The following DNAJC3 variants were observed in gnomAD, a reference collection of about 807,000 sequenced individuals.
DNAJC3 encodes the protein DnaJ heat shock protein family (Hsp40) member C3, also known as dnaJ homolog subfamily C member 3.
Under a neutral mutation model 68.6 loss-of-function variants are expected in DNAJC3, and 38 were observed. The ratio of observed to expected loss-of-function variants is 0.55; its 90% confidence interval spans 0.43 to 0.73. DNAJC3 has a LOEUF of 0.73. DNAJC3 is among the 30% of genes least tolerant of loss of function. The probability of loss-of-function intolerance (pLI) is 0.00; values close to 1 mark genes in which losing one functional copy is unlikely to be tolerated. For missense variants in DNAJC3, 526 were observed against 591.9 expected (o/e 0.89, Z 1.16); for synonymous variants, 203 against 204.0 (o/e 1.00, Z 0.04).
At chr13:95,713,202 A>G (rs1881029059) in intron 2 of DNAJC3, among the ~76,000 whole-genome samples, 1 of 152,208 alleles carries the variant, frequency 6.6e-6, no homozygotes, top group Admixed American at 6.5e-5. Flanking sequence ...ACAATTGCCC[A>G]GCCCCTGTAA....
At chr13:95,691,422 G>T (rs1880256748) in intron 1 of DNAJC3, among the ~76,000 whole-genome samples, 1 of 151,904 alleles carries the variant, frequency 6.6e-6, no homozygotes, top group Non-Finnish European at 1.5e-5. Flanking sequence ...GGACGGGGCG[G>T]CAGGGCAGAG....
At chr13:95,722,807 C>A (rs1182096281) in intron 2 of DNAJC3, among the ~76,000 whole-genome samples, 1 of 45,928 alleles carries the variant, frequency 2.2e-5, no homozygotes, top group African/African-American at 1.0e-4. Flanking sequence ...GTGACAGACA[C>A]CTTGTCCGCC....
intron 9 of DNAJC3, among the ~76,000 whole-genome samples, chr13:95,779,914 T>C (rs956307878): frequency 6.6e-6 from 1 of 152,244 alleles, no homozygotes; most frequent in African/African-American, 2.4e-5. Context: ...TGAAGTGATA[T>C]TGTGCCAGTT....
At chr13:95,779,336 G>T (rs924641351) in intron 9 of DNAJC3, among the ~76,000 whole-genome samples, 3 of 151,866 alleles carry the variant, frequency 2.0e-5, no homozygotes, top group South Asian at 2.1e-4. Context: ...GTGTTAGCCA[G>T]GATGGTCTCG....
chr13:95,736,338 G>A (rs1487542902), intron 4 of DNAJC3, among the ~76,000 whole-genome samples: 1 of 151,110 alleles, frequency 6.6e-6, no homozygotes, highest in African/African-American at 2.4e-5. Context: ...CTTTAAAGTA[G>A]TTTTTTCCAA....
At chr13:95,761,548 A>C (rs1371906835) in intron 7 of DNAJC3, among the ~76,000 whole-genome samples, 1 of 152,184 alleles carries the variant, frequency 6.6e-6, no homozygotes, top group African/African-American at 2.4e-5. Context: ...AAACTATAGT[A>C]CATTGTCACA....
chr13:95,794,876 A>G lies in DNAJC3; in HGVS notation c.*3846A>G, dbSNP rs977057404. 6.8e-6 allele frequency: 1 copy of G among 147,556 alleles called. No individual in the cohort carries two copies. Among genetic ancestry groups the G allele is most frequent in the African/African-American group, 2.4e-5 (1 of 41,124 alleles). 9.1% of individuals were successfully genotyped at this position (147,556 alleles called of 1,614,324 possible). ...ATCCATCTCAATGTAGTGTTTTAAT[A>G]AAAAAGGAACCTAATATTTGAAATG... On this transcript the variant is annotated 3_prime_UTR_variant, in exon 12 of 12. Coordinates refer to ENST00000602402, the MANE Select transcript of DNAJC3 (RefSeq NM_006260.5).
In DNAJC3 at chr13:95,677,151, G is replaced by A; in HGVS notation, c.-105G>A. The A allele has an allele frequency of 2.0e-6, 2 of 1,019,586 alleles. No homozygotes were observed. The highest frequency in any genetic ancestry group is 4.5e-5 in the Admixed American group (2 of 44,274). The allele number at this position is 1,019,586 out of a possible 1,614,324, so 63.2% of individuals were successfully genotyped here. The stretch of plus-strand genomic sequence containing the variant: ...TCTGCTGGGCTCCAGAGCCACTGAG[G>A]CCTGAGCGAGAGCCGACGGCGGGCG... On this transcript the variant is annotated 5_prime_UTR_variant, in exon 1 of 12. Coordinates refer to ENST00000602402, the MANE Select transcript of DNAJC3 (RefSeq NM_006260.5).
chr13:95,722,354 T>C (rs1881349108), intron 2 of DNAJC3, among the ~76,000 whole-genome samples: 1 of 152,178 alleles, frequency 6.6e-6, no homozygotes, highest in Non-Finnish European at 1.5e-5. Flanking sequence ...ACATTCAATA[T>C]ATCAATTTAG....
At chr13:95,719,048 A>T (rs1477227666) in intron 2 of DNAJC3, among the ~76,000 whole-genome samples, 1 of 152,244 alleles carries the variant, frequency 6.6e-6, no homozygotes, top group Non-Finnish European at 1.5e-5. Flanking sequence ...GTAAATGAGG[A>T]TTCCCATGAC....
At chr13:95,766,898 C>T (rs1883008358) in intron 9 of DNAJC3, among the ~76,000 whole-genome samples, 1 of 152,028 alleles carries the variant, frequency 6.6e-6, no homozygotes, top group African/African-American at 2.4e-5. Context: ...GACAGGGTTT[C>T]ACCATGTTGG....
intron 4 of DNAJC3, among the ~76,000 whole-genome samples, chr13:95,732,840 C>T (rs927068287): frequency 1.3e-5 from 2 of 151,530 alleles, no homozygotes; most frequent in African/African-American, 4.8e-5. Context: ...TGGCTGTATT[C>T]CATAGGTTTT....
chr13:95,708,869 A>G (rs1368917605), intron 1 of DNAJC3, among the ~76,000 whole-genome samples: 1 of 152,178 alleles, frequency 6.6e-6, no homozygotes, highest in Non-Finnish European at 1.5e-5. Context: ...AAATACTTAA[A>G]TATTGTAACA....
chr13:95,694,804 T>C (rs1419723092), intron 1 of DNAJC3: 2 of 152,652 alleles, frequency 1.3e-5, no homozygotes, highest in African/African-American at 4.8e-5. Flanking sequence ...GGCAGAATAG[T>C]CCACTATTTT....
chr13:95,685,755 A>G (rs1880058078), intron 1 of DNAJC3, among the ~76,000 whole-genome samples: 1 of 152,014 alleles, frequency 6.6e-6, no homozygotes. Context: ...GCTGCCACCC[A>G]TATATGTGTT....
In DNAJC3 at chr13:95,744,269, A is replaced by G. The variant is rs77886434; in HGVS notation, c.394-13375A>G. Among the ~76,000 whole-genome samples, 77 of 152,220 alleles carry G rather than the reference A, an allele frequency of 5.1e-4. No individual in the cohort carries two copies. In the East Asian group the frequency reaches 0.014, roughly 28 times the overall value. On this transcript the variant is annotated intron_variant, in intron 4 of 11. Transcript: ENST00000602402. ...GTATGTTTTAAATTCCAACTTTTGC[A>G]TGGGATAATATTTTTGTGATTATTT...
chr13:95,708,391 T>G (rs142221813), intron 1 of DNAJC3, among the ~76,000 whole-genome samples: 49 of 152,314 alleles, frequency 3.2e-4, no homozygotes, highest in Non-Finnish European at 5.7e-4. Context: ...CAAGTAAATA[T>G]TCAAAGCTGT....
At chr13:95,752,027 C>T (rs1882496820) in intron 4 of DNAJC3, among the ~76,000 whole-genome samples, 1 of 152,222 alleles carries the variant, frequency 6.6e-6, no homozygotes, top group Admixed American at 6.5e-5. Context: ...ATGGGAGCTA[C>T]AATTCAAGAT....
intron 9 of DNAJC3, among the ~76,000 whole-genome samples, chr13:95,772,770 T>C (rs1883190664): frequency 6.6e-6 from 1 of 152,256 alleles, no homozygotes; most frequent in Non-Finnish European, 1.5e-5. Flanking sequence ...TTCCCCTTTA[T>C]TCCATTAATG....
Sources: allele counts gnomAD v4.1 joint callset (sites outside exome capture counted in the v4.1 genomes callset), GRCh38; gene constraint gnomAD v4.1.1; transcripts MANE v1.5; gene names NCBI Gene and HGNC (gene_info 2026-07-23, HGNC 2026-07-21).